The following CFAP74 variants were observed in gnomAD, a reference collection of about 807,000 sequenced individuals.
The protein encoded by CFAP74 is cilia and flagella associated protein 74.
A neutral mutation model predicts 188.9 loss-of-function variants in CFAP74; 124 were observed. The observed-to-expected ratio is 0.66, with a 90% CI of 0.57 to 0.76. The LOEUF is 0.76. Among genes scored for constraint, CFAP74 ranks in the 30% least tolerant of loss-of-function variants. The probability of loss-of-function intolerance (pLI) is 0.00; values close to 1 mark genes in which losing one functional copy is unlikely to be tolerated. For synonymous variants in CFAP74, 956 were observed against 916.7 expected, an observed-to-expected ratio of 1.04 and a Z score of -0.77; for missense variants, 2,198 against 2,165.2, an observed-to-expected ratio of 1.02 and a Z score of -0.30.
intron 9 of CFAP74, among the ~76,000 whole-genome samples, chr1:1,971,254 C>T (rs551516233): frequency 1.2e-4 from 18 of 151,168 alleles, no homozygotes; most frequent in East Asian, 5.9e-4. Context: ...CACACACTCA[C>T]GCATGCACAC....
intron 25 of CFAP74, among the ~76,000 whole-genome samples, chr1:1,933,400 A>T (rs1466468791): frequency 2.1e-5 from 3 of 144,622 alleles, no homozygotes; most frequent in Middle Eastern, 4.0e-3. Flanking sequence ...GGCTGGTCTC[A>T]AACTCCTGAC....
chr1:1,994,387 T>C (rs1657802154), intron 1 of CFAP74, among the ~76,000 whole-genome samples: 1 of 152,178 alleles, frequency 6.6e-6, no homozygotes, highest in South Asian at 2.1e-4. Context: ...TCAGAATAAT[T>C]CACTAAAAAT....
At chr1:1,987,561 G>A (rs1657316658) in intron 4 of CFAP74, among the ~76,000 whole-genome samples, 2 of 143,028 alleles carry the variant, frequency 1.4e-5, no homozygotes, top group Admixed American at 6.9e-5. Context: ...TTTTTTTCCC[G>A]AGACAGAGCC....
Position 1,942,634 on chromosome 1 carries a change from G to A in CFAP74, c.2487-478C>T, listed in dbSNP as rs574879151. Among the ~76,000 whole-genome samples, 13 of 152,224 alleles carry A rather than the reference G, an allele frequency of 8.5e-5. No homozygotes were observed. Among genetic ancestry groups the A allele is most frequent in the African/African-American group, 2.6e-4 (11 of 41,544 alleles). ...ATGACAGCAGCCTCCAACCCAAGAC[G>A]AGCCTGAGAGAGCCAAGGTACCCGC... On this transcript the variant is annotated intron_variant, in intron 21 of 38. Coordinates refer to ENST00000682832, the MANE Select transcript of CFAP74 (RefSeq NM_001304360.2). This position sits in a 1 kb window ranked among gnomAD's most constrained non-coding sequence, Gnocchi z 4.3.
chr1:1,971,931 C>T, intron 9 of CFAP74, 49 bp downstream of exon 9: 2 of 1,463,328 alleles, frequency 1.4e-6, no homozygotes, highest in Non-Finnish European at 1.9e-6. Flanking sequence ...CAGGGACGGA[C>T]CCCGGCAGGG....
chr1:1,964,071 C>T (rs1049426261), intron 13 of CFAP74, among the ~76,000 whole-genome samples: 2 of 152,230 alleles, frequency 1.3e-5, no homozygotes, highest in Admixed American at 1.3e-4. Flanking sequence ...GAACCTGTCA[C>T]ATAAGAGCCT....
Position 1,972,817 on chromosome 1 carries a change from G to A in CFAP74, c.785+120C>T, listed in dbSNP as rs1227790007. On this transcript the variant is annotated intron_variant, in intron 8 of 38. Transcript: ENST00000682832. ...AGATCGCGCCACGGCACCCCAGCCT[G>A]GGCGACAGAGCAAGGCTCCATCTTA... 5 of 757,986 alleles carry A rather than the reference G, an allele frequency of 6.6e-6. No individual in the cohort carries two copies. The African/African-American group carries it at 8.8e-5, about 13-fold the overall frequency. The allele number at this position is 757,986 out of a possible 1,614,324, so 47.0% of individuals were successfully genotyped here.
intron 1 of CFAP74, among the ~76,000 whole-genome samples, chr1:2,002,677 C>A (rs2376806): frequency 0.57 from 85,191 of 149,074 alleles, 27,075 homozygotes; most frequent in African/African-American, 0.87. Context: ...CTCAAAAAAA[C>A]AAAAATTTAA....
At chr1:1,946,484 T>C in intron 19 of CFAP74, 45 bp from the exon 20 acceptor site, 1 of 1,494,028 alleles carries the variant, frequency 6.7e-7, no homozygotes, top group South Asian at 1.3e-5. Context: ...CTTCATGGCT[T>C]TTAAGATCCC....
Position 1,988,628 on chromosome 1 carries a change from A to G in CFAP74, c.180T>C (p.Ala60=), listed in dbSNP as rs1558062795. ...CAGCTGTTTTCTTCTTCAATTTATCAGCATCAGTATCTAGTTCTTTCACTG... is the reference window on the plus strand; with the variant it reads ...CAGCTGTTTTCTTCTTCAATTTATCGGCATCAGTATCTAGTTCTTTCACTG... The part of the protein sequence containing the change: ...SSSVKELDTD[A]DKLKKKTAED... The change falls in exon 4 of 39, where the codon GCT becomes GCC. Residue 60 remains alanine, a synonymous_variant. Transcript: ENST00000682832. 1 of 1,610,878 alleles carries G rather than the reference A, an allele frequency of 6.2e-7. No homozygotes were observed. The highest frequency in any genetic ancestry group is 8.5e-7 in the Non-Finnish European group (1 of 1,179,998).
chr1:1,947,134 C>T (rs1653828180), intron 18 of CFAP74, 80 bp from the exon 19 acceptor site: 1 of 1,036,080 alleles, frequency 9.7e-7, no homozygotes, highest in Non-Finnish European at 1.4e-6. Flanking sequence ...GACGTGGTCA[C>T]CACCTCCAAA....
At chr1:1,993,880 G>A (rs1657757690) in intron 1 of CFAP74, among the ~76,000 whole-genome samples, 2 of 151,088 alleles carry the variant, frequency 1.3e-5, no homozygotes, top group Non-Finnish European at 1.5e-5. Context: ...TACTCGGGAG[G>A]CTGAGGCAGG....
At chr1:1,966,030 A>G (rs28523363) in intron 12 of CFAP74, among the ~76,000 whole-genome samples, 33,085 of 152,248 alleles carry the variant, frequency 0.22, 3,806 homozygotes, top group East Asian at 0.26. Flanking sequence ...TGCTTCTCCA[A>G]TAGTACACGG....
chr1:1,957,271 T>C (rs997881214), intron 16 of CFAP74, among the ~76,000 whole-genome samples: 1 of 152,198 alleles, frequency 6.6e-6, no homozygotes, highest in Non-Finnish European at 1.5e-5. Context: ...GCCCGGGCCA[T>C]ACCTCGGCTC....
intron 25 of CFAP74, among the ~76,000 whole-genome samples, chr1:1,938,319 TCA>T (rs917892163): frequency 1.2e-4 from 16 of 128,550 alleles, no homozygotes; most frequent in South Asian, 2.8e-4. Context: ...ATACATGCAC[TCA>T]CACACAAGGC....
In CFAP74 at chr1:2,002,556, G is replaced by T. The variant is rs147487591; in HGVS notation, c.-20+1145C>A. ...ATTAGCCAGGCATGCTATAATCCCA[G>T]CTACTTGGGAGGCTGAGGCAGGAGA... On this transcript the variant is annotated intron_variant, in intron 1 of 38. Coordinates refer to ENST00000682832, the MANE Select transcript of CFAP74 (RefSeq NM_001304360.2). Among the ~76,000 whole-genome samples, 1,245 of 151,032 alleles carry T rather than the reference G, an allele frequency of 8.2e-3. 17 individuals carry two copies. The highest frequency in any genetic ancestry group is 0.029 in the African/African-American group (1,187 of 41,290).
At chr1:1,932,073 A>AC (rs1652435543) in intron 25 of CFAP74, among the ~76,000 whole-genome samples, 1 of 58,146 alleles carries the variant, frequency 1.7e-5, no homozygotes, top group African/African-American at 4.0e-5. Context: ...CCTCAAAAAA[A>AC]AAAAAACAAA....
intron 18 of CFAP74, chr1:1,955,169 A>G (rs1434588785): frequency 5.4e-6 from 7 of 1,285,686 alleles, no homozygotes; most frequent in Non-Finnish European, 7.1e-6. Context: ...AGACAGGAGG[A>G]GGACGGAGGT....
Position 1,923,114 on chromosome 1 carries a change from T to TCC in CFAP74, c.4553_4554insGG (p.Ala1519GlufsTer5). ...CCAGGATGGGCCTCAGCTCCTCAGCTTCTGGAGAGAGAGGGCCTGGCCGGG... is the reference window on the plus strand; with the variant it reads ...CCAGGATGGGCCTCAGCTCCTCAGCTCCTCTGGAGAGAGAGGGCCTGGCCGGG... On this transcript the variant is annotated frameshift_variant, in exon 37 of 39. Coordinates refer to ENST00000682832, the MANE Select transcript of CFAP74 (RefSeq NM_001304360.2). LOFTEE classifies it high-confidence loss of function. This position sits in a 1 kb window ranked among gnomAD's most constrained non-coding sequence, Gnocchi z 6.3. The TCC allele has an allele frequency of 3.1e-6, 5 of 1,609,860 alleles. No homozygotes were observed. The highest frequency in any genetic ancestry group is 4.2e-6 in the Non-Finnish European group (5 of 1,179,106).
Sources: gnomAD v4.1 joint callset for allele counts (sites outside exome capture counted in the v4.1 genomes callset) on GRCh38, gnomAD v4.1.1 for gene constraint, Gnocchi (gnomAD v3.1) non-coding constraint, MANE v1.5 for transcripts, NCBI Gene and HGNC (gene_info 2026-07-23, HGNC 2026-07-21) for gene names.